CLEC16A: variants seen among roughly 807,000 people sequenced by gnomAD.
The protein encoded by CLEC16A is protein CLEC16A.
Under a neutral mutation model 109.5 loss-of-function variants are expected in CLEC16A, and 51 were observed. The ratio of observed to expected loss-of-function variants is 0.47; its 90% CI spans 0.37 to 0.59. The LOEUF is 0.59. CLEC16A is among the 20% of genes least tolerant of loss of function. The pLI is 0.00. For missense variants in CLEC16A, 1,339 were observed against 1,394.0 expected (o/e 0.96, Z 0.63); for synonymous variants, 673 against 564.2 (o/e 1.19, Z -2.73).
chr16:10,987,286 C>T (rs931054359), intron 10 of CLEC16A, among the ~76,000 whole-genome samples: 1 of 152,124 alleles, frequency 6.6e-6, no homozygotes, highest in African/African-American at 2.4e-5. Context: ...AACTCTAGTA[C>T]ACCCTCACAA....
chr16:10,980,289 C>T (rs1215037159), intron 9 of CLEC16A, among the ~76,000 whole-genome samples: 1 of 152,174 alleles, frequency 6.6e-6, no homozygotes, highest in African/African-American at 2.4e-5. Context: ...GAGTCCTATT[C>T]TGGGGCTATT....
intron 18 of CLEC16A, among the ~76,000 whole-genome samples, chr16:11,060,084 ACT>A (rs1190380853): frequency 6.6e-6 from 1 of 151,808 alleles, no homozygotes; most frequent in African/African-American, 2.4e-5. Context: ...GACTGCTGGG[ACT>A]CTGCTTTGTT....
rs2068869138 is a variant in CLEC16A at position 11,178,839 on chromosome 16, G to A, written c.*149G>A. 3.4e-6 allele frequency: 2 copies of A among 592,102 alleles called. No homozygotes were observed. Among genetic ancestry groups the A allele is most frequent in the Admixed American group, 3.4e-5 (1 of 29,538 alleles). The allele number at this position is 592,102 out of a possible 1,614,324, so 36.7% of individuals were successfully genotyped here. ...CCTATCCCTGCGCTCCCTTGAATGG[G>A]AAGAAGCCCCACGTTGTCCTTGAAT... On this transcript the variant is annotated 3_prime_UTR_variant, in exon 24 of 24. Transcript: ENST00000409790. The surrounding 1 kb of genome is among the most constrained non-coding windows in gnomAD (Gnocchi z 6.5).
intron 19 of CLEC16A, among the ~76,000 whole-genome samples, chr16:11,106,111 C>A (rs1408608137): frequency 6.6e-6 from 1 of 152,186 alleles, no homozygotes; most frequent in Admixed American, 6.5e-5. Flanking sequence ...GCATACTGAC[C>A]AGTCACCTTG....
Position 10,953,177 on chromosome 16 carries a change from G to C in CLEC16A, c.81-4605G>C, listed in dbSNP as rs79019678. 1.1e-3 allele frequency among the ~76,000 whole-genome samples: 161 copies of C among 152,324 alleles called. 1 individual carries two copies. The East Asian group carries it at 0.013, about 13-fold the overall frequency. On this transcript the variant is annotated intron_variant, in intron 1 of 23. Coordinates refer to ENST00000409790, the MANE Select transcript of CLEC16A (RefSeq NM_015226.3). Reference sequence around the variant, plus strand: ...TCAGACAGTATGGTCTTGATACAAGGATAGACAAATAGATCAATGAAACTG... The same window carrying C: ...TCAGACAGTATGGTCTTGATACAAGCATAGACAAATAGATCAATGAAACTG...
intron 22 of CLEC16A, among the ~76,000 whole-genome samples, chr16:11,140,289 C>T (rs557104070): frequency 3.3e-4 from 51 of 152,274 alleles, no homozygotes; most frequent in African/African-American, 1.2e-3. Context: ...TTGAACCTCA[C>T]GGATGGCTGG....
intron 23 of CLEC16A, among the ~76,000 whole-genome samples, chr16:11,170,632 C>G (rs1597626591): frequency 6.6e-6 from 1 of 152,196 alleles, no homozygotes; most frequent in African/African-American, 2.4e-5. Context: ...CTTCCAACCT[C>G]TTAGTGGCTC....
In CLEC16A at chr16:10,982,902, C is replaced by T; in HGVS notation, c.982C>T (p.Pro328Ser). 6.2e-7 allele frequency: 1 copy of T among 1,608,864 alleles called. No individual in the cohort carries two copies. The highest frequency in any genetic ancestry group is 8.5e-7 in the Non-Finnish European group (1 of 1,175,252). ...SQVFLIIHHAPLVNSLAEVIL... is the reference protein window; with the variant it reads ...SQVFLIIHHASLVNSLAEVIL... The stretch of plus-strand genomic sequence containing the variant: ...GGTCTTCTTAATTATACATCATGCA[C>T]CGCTGGTGAACTCGTTAGCTGAAGT... Residue 328 changes from proline to serine, a missense_variant, in exon 10 of 24, where the codon CCG (proline) becomes TCG (serine). By Grantham distance (74) the Pro-to-Ser change is moderately conservative (BLOSUM62 -1). This residue lies in a region of CLEC16A where 1,061 missense variants were observed against 1,006.8 expected (regional missense o/e 1.05). Transcript: ENST00000409790.
At chr16:10,960,638 C>T (rs2042209028) in intron 2 of CLEC16A, among the ~76,000 whole-genome samples, 2 of 152,096 alleles carry the variant, frequency 1.3e-5, no homozygotes, top group Non-Finnish European at 2.9e-5. Flanking sequence ...GTCTACCCCA[C>T]GTTTTCATGA....
At chr16:11,101,764 A>G (rs1180689330) in intron 19 of CLEC16A, among the ~76,000 whole-genome samples, 1 of 152,050 alleles carries the variant, frequency 6.6e-6, no homozygotes, top group Non-Finnish European at 1.5e-5. Context: ...CATGAATTTC[A>G]TAAGTAGTTC....
In CLEC16A at chr16:10,984,064, C is replaced by G. The variant is rs2043482806; in HGVS notation, c.1071+1073C>G. Among the ~76,000 whole-genome samples, 5 of 152,114 alleles carry G rather than the reference C, an allele frequency of 3.3e-5. No individual in the cohort carries two copies. The South Asian group carries it at 1.0e-3, about 32-fold the overall frequency. On this transcript the variant is annotated intron_variant, in intron 10 of 23. Coordinates refer to ENST00000409790, the MANE Select transcript of CLEC16A (RefSeq NM_015226.3). ...ACAAGGGCTGTTTCATAAAGGTTTC[C>G]TCTCTGCAGCCAGGTGCTCAGGCAG...
At chr16:11,158,328 G>A (rs923805468) in intron 22 of CLEC16A, among the ~76,000 whole-genome samples, 3 of 152,152 alleles carry the variant, frequency 2.0e-5, no homozygotes, top group Non-Finnish European at 2.9e-5. Context: ...CCTCATTCAC[G>A]GCAGAGACTG....
intron 22 of CLEC16A, among the ~76,000 whole-genome samples, chr16:11,155,827 T>G (rs1042994803): frequency 2.0e-5 from 3 of 152,056 alleles, no homozygotes; most frequent in African/African-American, 7.2e-5. Flanking sequence ...CACAAGCAAA[T>G]GGAATGGGTC....
intron 22 of CLEC16A, among the ~76,000 whole-genome samples, chr16:11,163,686 T>C (rs975606929): frequency 3.9e-5 from 6 of 152,184 alleles, no homozygotes; most frequent in Non-Finnish European, 8.8e-5. Flanking sequence ...ACCATGGCTT[T>C]AAAGAGGGCA....
chr16:10,999,217 A>G lies in CLEC16A; in HGVS notation c.1072-3857A>G, dbSNP rs1267958258. Among the ~76,000 whole-genome samples, 6 of 152,120 alleles carry G rather than the reference A, an allele frequency of 3.9e-5. No homozygotes were observed. The South Asian group carries it at 6.2e-4, about 16-fold the overall frequency. Reference sequence around the variant, plus strand: ...CTCCCAAAGTGCTGGGATTACAGACATGAGCTCCACACCCAGCTGAATGTT... The same window carrying G: ...CTCCCAAAGTGCTGGGATTACAGACGTGAGCTCCACACCCAGCTGAATGTT... On this transcript the variant is annotated intron_variant, in intron 10 of 23. Transcript: ENST00000409790.
chr16:11,107,509 C>G (rs112423808), intron 19 of CLEC16A, among the ~76,000 whole-genome samples: 1 of 152,228 alleles, frequency 6.6e-6, no homozygotes, highest in African/African-American at 2.4e-5. Flanking sequence ...TCAGGAGAAG[C>G]AGCCAACCTA....
chr16:11,112,797 A>G (rs1567335231), intron 19 of CLEC16A, among the ~76,000 whole-genome samples: 1 of 152,234 alleles, frequency 6.6e-6, no homozygotes, highest in Non-Finnish European at 1.5e-5. Context: ...AGGTTCCGCT[A>G]GGAGGCATGC....
At chr16:10,953,911 A>T (rs1367623922) in intron 1 of CLEC16A, among the ~76,000 whole-genome samples, 4 of 151,368 alleles carry the variant, frequency 2.6e-5, no homozygotes, top group Admixed American at 2.0e-4. Context: ...CAGGAGGCAG[A>T]GCTTGCAGTG....
chr16:10,991,150 C>T (rs1205957618), intron 10 of CLEC16A, among the ~76,000 whole-genome samples: 1 of 151,982 alleles, frequency 6.6e-6, no homozygotes, highest in Non-Finnish European at 1.5e-5. Flanking sequence ...ATGTGAGAAG[C>T]CCTGGGAAAA....
Sources: gnomAD v4.1 joint callset for allele counts (sites outside exome capture counted in the v4.1 genomes callset) on GRCh38, gnomAD v4.1.1 for gene constraint, gnomAD v4.1.1 regional missense constraint, Gnocchi (gnomAD v3.1) non-coding constraint, MANE v1.5 for transcripts, NCBI Gene and HGNC (gene_info 2026-07-23, HGNC 2026-07-21) for gene names.